Variants in SLC16A9 observed in about 807,000 individuals in gnomAD.
The protein encoded by SLC16A9 is monocarboxylate transporter 9.
In SLC16A9, 26 loss-of-function variants were observed where a neutral mutation model predicts 44.3. The ratio of observed to expected loss-of-function variants is 0.59; its 90% CI spans 0.43 to 0.81. SLC16A9 has a LOEUF of 0.81. Among genes scored for constraint, SLC16A9 ranks in the 40% least tolerant of loss-of-function variants. The pLI is 0.00. For synonymous variants in SLC16A9, 230 were observed against 225.1 expected (o/e 1.02, Z -0.19); for missense variants, 559 against 595.8 (o/e 0.94, Z 0.64).
chr10:59,702,960 T>C (rs1840557492), intron 1 of SLC16A9, among the ~76,000 whole-genome samples: 1 of 152,160 alleles, frequency 6.6e-6, no homozygotes, highest in Non-Finnish European at 1.5e-5. Flanking sequence ...GCCAAGCCTA[T>C]AAATACCCCT....
chr10:59,651,226 A>C lies in SLC16A9; in HGVS notation c.*1546T>G, dbSNP rs1054751598. Reference sequence around the variant, plus strand: ...AGGTATTGTGAGGATTTGTGTTTATAAAGTGCTTCAGGCGCCTTCGAAGAA... The same window carrying C: ...AGGTATTGTGAGGATTTGTGTTTATCAAGTGCTTCAGGCGCCTTCGAAGAA... On this transcript the variant is annotated 3_prime_UTR_variant, in exon 6 of 6. Transcript: ENST00000395348. The C allele has an allele frequency of 1.3e-5, 2 of 152,212 alleles. No individual in the cohort carries two copies. Among genetic ancestry groups the C allele is most frequent in the African/African-American group, 4.8e-5 (2 of 41,452 alleles). 9.4% of individuals were successfully genotyped at this position (152,212 alleles called of 1,614,324 possible). A position where few individuals can be genotyped will look rare whatever the true frequency, so the allele number is the denominator to read the frequency against.
chr10:59,657,644 C>T (rs1488711930), intron 4 of SLC16A9, among the ~76,000 whole-genome samples: 1 of 152,190 alleles, frequency 6.6e-6, no homozygotes, highest in Non-Finnish European at 1.5e-5. Context: ...GCAAGATCAT[C>T]TGTCACAGCA....
At chr10:59,688,851 A>T (rs1010395792) in intron 1 of SLC16A9, among the ~76,000 whole-genome samples, 5 of 151,820 alleles carry the variant, frequency 3.3e-5, no homozygotes, top group Admixed American at 3.3e-4. Flanking sequence ...TCATGAATAA[A>T]GCCAGTATTC....
intron 4 of SLC16A9, among the ~76,000 whole-genome samples, chr10:59,659,321 T>A (rs1324703969): frequency 6.6e-6 from 1 of 152,134 alleles, no homozygotes; most frequent in Non-Finnish European, 1.5e-5. Flanking sequence ...GGAGACATGA[T>A]CAGCATCAGT....
At chr10:59,664,380 A>C (rs1839559432) in intron 3 of SLC16A9, 58 bp from the exon 4 acceptor site, 1 of 1,206,316 alleles carries the variant, frequency 8.3e-7, no homozygotes, top group Non-Finnish European at 1.2e-6. Flanking sequence ...ATGCAAGAGA[A>C]AAAAGGAAAA....
rs1406069728 is a variant in SLC16A9, at chr10:59,696,877, C to T, written c.-36-12550G>A. 1.1e-4 allele frequency among the ~76,000 whole-genome samples: 16 copies of T among 151,396 alleles called. No individual in the cohort carries two copies. The East Asian group carries it at 1.6e-3, about 15-fold the overall frequency. ...GAGCCCCTCCGCCCAGCAGCCACCC[C>T]GTGTGGGAAGTGAGGAGCGTCTCCG... On this transcript the variant is annotated intron_variant, in intron 1 of 5. Coordinates refer to ENST00000395348, the MANE Select transcript of SLC16A9 (RefSeq NM_194298.3).
intron 1 of SLC16A9, among the ~76,000 whole-genome samples, chr10:59,684,821 G>T (rs1428960176): frequency 6.6e-6 from 1 of 152,220 alleles, no homozygotes; most frequent in Non-Finnish European, 1.5e-5. Context: ...TGACCCTTCA[G>T]AGATGTGCTG....
chr10:59,669,448 T>C (rs1452843730), intron 3 of SLC16A9, among the ~76,000 whole-genome samples: 2 of 152,226 alleles, frequency 1.3e-5, no homozygotes, highest in African/African-American at 4.8e-5. Context: ...GTTAACATTT[T>C]TAAGTTCTTG....
chr10:59,670,629 T>C (rs1339813762), intron 3 of SLC16A9, among the ~76,000 whole-genome samples: 2 of 152,230 alleles, frequency 1.3e-5, no homozygotes, highest in Non-Finnish European at 2.9e-5. Flanking sequence ...TAGGATATGA[T>C]TCTGCACAGA....
chr10:59,668,390 G>T (rs1268087261), intron 3 of SLC16A9, among the ~76,000 whole-genome samples: 1 of 152,036 alleles, frequency 6.6e-6, no homozygotes, highest in Non-Finnish European at 1.5e-5. Context: ...CCTTCCAACC[G>T]TATCCACTTG....
chr10:59,708,904 G>C (rs917759384), intron 1 of SLC16A9: 1 of 152,442 alleles, frequency 6.6e-6, no homozygotes, highest in Non-Finnish European at 1.5e-5. Flanking sequence ...TCCCGCGCTC[G>C]CCCAGGGCTG....
At chr10:59,654,771 T>G (rs939382895) in intron 4 of SLC16A9, among the ~76,000 whole-genome samples, 182 bp from the exon 5 acceptor site, 2 of 152,214 alleles carry the variant, frequency 1.3e-5, no homozygotes, top group African/African-American at 4.8e-5. Flanking sequence ...ATAGAACATT[T>G]AAGAATTAGA....
At chr10:59,667,764 A>G (rs981055205) in intron 3 of SLC16A9, among the ~76,000 whole-genome samples, 22 of 152,168 alleles carry the variant, frequency 1.4e-4, no homozygotes, top group Admixed American at 1.4e-3. Context: ...CTGTGTACCA[A>G]CCTCCAGTAA....
At chr10:59,670,060 T>A (rs1839710395) in intron 3 of SLC16A9, among the ~76,000 whole-genome samples, 1 of 152,226 alleles carries the variant, frequency 6.6e-6, no homozygotes, top group South Asian at 2.1e-4. Flanking sequence ...GCTTGTAATA[T>A]CCCATATAAC....
rs1337013889 is a variant in SLC16A9 at position 59,681,812 on chromosome 10, A to ATATG, written c.196+2283_196+2284insCATA. Reference sequence around the variant, plus strand: ...TATATGTATATGTATATGTATATGTATATATGATGTATATGTATATGTATA... The same window carrying ATATG: ...TATATGTATATGTATATGTATATGTATATGTATATGATGTATATGTATATGTATA... On this transcript the variant is annotated intron_variant, in intron 2 of 5. Coordinates refer to ENST00000395348, the MANE Select transcript of SLC16A9 (RefSeq NM_194298.3). Among the ~76,000 whole-genome samples the ATATG allele has an allele frequency of 3.5e-3, 16 of 4,548 alleles. 5 individuals are homozygous for ATATG. The highest frequency in any genetic ancestry group is 4.8e-3 in the African/African-American group (13 of 2,690). 3.0% of individuals were successfully genotyped at this position (4,548 alleles called of 152,430 possible).
At chr10:59,681,464 GTATGTATATGTATATGTA>G (rs1186125956) in intron 2 of SLC16A9, among the ~76,000 whole-genome samples, 13 of 3,388 alleles carry the variant, frequency 3.8e-3, no homozygotes, top group East Asian at 0.015. Context: ...ATGTGTATGT[GTATGTATATGTATATGTA>G]TATGTATATG....
intron 2 of SLC16A9, among the ~76,000 whole-genome samples, chr10:59,679,329 C>T (rs979214296): frequency 6.6e-6 from 1 of 152,134 alleles, no homozygotes; most frequent in African/African-American, 2.4e-5. Flanking sequence ...AAGTTTCAAC[C>T]AGAAAAACAA....
At chr10:59,701,216 C>A (rs1227855185) in intron 1 of SLC16A9, among the ~76,000 whole-genome samples, 3 of 152,162 alleles carry the variant, frequency 2.0e-5, no homozygotes, top group East Asian at 3.9e-4. Flanking sequence ...CTCCAGCATC[C>A]TAGGGTCCCC....
At chr10:59,653,387 T>C (rs10466045) in intron 5 of SLC16A9, among the ~76,000 whole-genome samples, 4,181 of 116,492 alleles carry the variant, frequency 0.036, 206 homozygotes, top group African/African-American at 0.12. Context: ...GATCACGCAA[T>C]TGCACTCCAG....
Sources: allele counts gnomAD v4.1 joint callset (sites outside exome capture counted in the v4.1 genomes callset), GRCh38; gene constraint gnomAD v4.1.1; transcripts MANE v1.5; gene names NCBI Gene and HGNC (gene_info 2026-07-23, HGNC 2026-07-21).